PDCD2: variants seen among roughly 807,000 people sequenced by gnomAD.
The protein encoded by PDCD2 is programmed cell death 2, also known as uS5 assembly chaperone PDCD2.
Under a neutral mutation model 38.1 loss-of-function variants are expected in PDCD2, and 38 were observed. That is an observed-to-expected ratio of 1.00 (90% CI 0.77 to 1.31). The LOEUF (loss-of-function observed/expected upper bound fraction) is 1.31, where lower values mean the gene tolerates loss of function less well. Among genes scored for constraint, PDCD2 ranks in the 50% most tolerant of loss-of-function variants. PDCD2 has a pLI of 0.00. For synonymous variants in PDCD2, 205 were observed against 168.9 expected (o/e 1.21, Z -1.66); for missense variants, 473 against 435.7 (o/e 1.09, Z -0.76).
chr6:170,582,887 G>A (rs1009087645), intron 3 of PDCD2, 170 bp downstream of exon 3: 2 of 1,429,734 alleles, frequency 1.4e-6, no homozygotes, highest in South Asian at 3.1e-5. Context: ...TTATGTGTCA[G>A]AAAACAAAGT....
In PDCD2 at chr6:170,583,503, AC is replaced by A. The variant is rs1282528176; in HGVS notation, c.526+1del. On this transcript the variant is annotated splice_donor_variant, in intron 2 of 5. Transcript: ENST00000541970. LOFTEE classifies it high-confidence loss of function. ...CTGAGACTTAAAAAAAAGATTACCC[AC>A]CTGGTTGTGCACAAGCCTGCTTATG... 2 of 1,600,692 alleles carry A rather than the reference AC, an allele frequency of 1.2e-6. No homozygotes were observed. The highest frequency in any genetic ancestry group is 1.7e-6 in the Non-Finnish European group (2 of 1,170,146).
chr6:170,578,235 TA>T (rs1186272864), intron 5 of PDCD2, among the ~76,000 whole-genome samples: 1 of 152,162 alleles, frequency 6.6e-6, no homozygotes, highest in African/African-American at 2.4e-5. Context: ...GCTTTGGCAC[TA>T]AGAACCAAGC....
At chr6:170,582,323 A>G (rs551509286) in intron 3 of PDCD2, 2 of 1,534,204 alleles carry the variant, frequency 1.3e-6, no homozygotes, top group South Asian at 1.2e-5. Flanking sequence ...TTTGGAATGT[A>G]TGACTGGTAT....
rs768947596 is a variant in PDCD2, at chr6:170,577,310, G to T, written c.*249C>A. Reference sequence around the variant, plus strand: ...CATACCATGAATACCACCTATAATGGTATGTCTGTTGTCAATATAGGTGTT... The same window carrying T: ...CATACCATGAATACCACCTATAATGTTATGTCTGTTGTCAATATAGGTGTT... On this transcript the variant is annotated 3_prime_UTR_variant, in exon 6 of 6. Transcript: ENST00000541970. 2 of 391,918 alleles carry T rather than the reference G, an allele frequency of 5.1e-6. No homozygotes were observed. The highest frequency in any genetic ancestry group is 4.0e-5 in the African/African-American group (2 of 49,896). 24.3% of individuals were successfully genotyped at this position (391,918 alleles called of 1,614,324 possible).
intron 4 of PDCD2, 55 bp downstream of exon 4, chr6:170,579,947 C>T: frequency 2.2e-6 from 2 of 896,162 alleles, no homozygotes; most frequent in East Asian, 2.4e-5. Context: ...ACAGATTATA[C>T]TCATAAAACA....
In PDCD2 at chr6:170,577,655, G is replaced by A; in HGVS notation, c.939C>T (p.Gly313=). The A allele has an allele frequency of 2.5e-6, 4 of 1,613,760 alleles. No individual in the cohort carries two copies. The highest frequency in any genetic ancestry group is 3.4e-6 in the Non-Finnish European group (4 of 1,179,938). Reference sequence around the variant, plus strand: ...CAGCACAGGTGAAGACAGCCAGGATGCCCCAGTCAATGCTCTTGCCCAGTC... The same window carrying A: ...CAGCACAGGTGAAGACAGCCAGGATACCCCAGTCAATGCTCTTGCCCAGTC... The part of the protein sequence containing the change: ...ADRLGKSIDW[G]ILAVFTCAES... The change falls in exon 6 of 6, where the codon GGC becomes GGT. Residue 313 remains glycine (G), a synonymous_variant. Transcript: ENST00000541970.
In PDCD2 at chr6:170,577,635, C is replaced by A. The variant is rs377003096; in HGVS notation, c.959G>T (p.Cys320Phe). 3.1e-6 allele frequency: 5 copies of A among 1,614,026 alleles called. No individual in the cohort carries two copies. Among genetic ancestry groups the A allele is most frequent in the Non-Finnish European group, 3.4e-6 (4 of 1,179,990 alleles). ...IDWGILAVFT[C>F]AESCSLGTGY... Reference sequence around the variant, plus strand: ...AGTACCCAAGCTGCAGCTCTCAGCACAGGTGAAGACAGCCAGGATGCCCCA... The same window carrying A: ...AGTACCCAAGCTGCAGCTCTCAGCAAAGGTGAAGACAGCCAGGATGCCCCA... The change falls in exon 6 of 6, where the codon TGT becomes TTT. Residue 320 changes from cysteine (C) to phenylalanine (F), a missense_variant. Transcript: ENST00000541970.
At chr6:170,580,683 C>G (rs1271737063) in intron 3 of PDCD2, among the ~76,000 whole-genome samples, 1 of 152,106 alleles carries the variant, frequency 6.6e-6, no homozygotes, top group Non-Finnish European at 1.5e-5. Context: ...ACATTGCACT[C>G]CAGCCTGGGC....
intron 3 of PDCD2, among the ~76,000 whole-genome samples, chr6:170,580,319 G>A (rs935524923): frequency 3.3e-5 from 5 of 152,126 alleles, no homozygotes; most frequent in Non-Finnish European, 7.3e-5. Flanking sequence ...TAACAGAATG[G>A]TCAAGGGCTT....
rs1439503411 is a variant in PDCD2 at position 170,583,707 on chromosome 6, T to C, written c.324A>G (p.Ser108=). ...GAGGATTCTCAGAAGGTGGCTCATA[T>C]GAGTAAAAATCGTTTTTCCTGGGTA... ...NQLPRKNDFY[S]YEPPSENPPP... is the part of the protein sequence containing the mutation. The change falls in exon 2 of 6, where the codon TCA becomes TCG. Residue 108 remains serine, a synonymous_variant. Transcript: ENST00000541970. The C allele has an allele frequency of 1.2e-6, 2 of 1,613,498 alleles. No individual in the cohort carries two copies. Among genetic ancestry groups the C allele is most frequent in the Admixed American group, 1.7e-5 (1 of 59,988 alleles).
intron 3 of PDCD2, 46 bp downstream of exon 3, chr6:170,583,011 G>A (rs778241526): frequency 6.3e-7 from 1 of 1,586,770 alleles, no homozygotes; most frequent in Non-Finnish European, 8.5e-7. Flanking sequence ...TTTCTTCCAA[G>A]TATTATGTTT....
chr6:170,583,007 C>T (rs772585675), intron 3 of PDCD2, 50 bp downstream of exon 3: 1 of 1,580,794 alleles, frequency 6.3e-7, no homozygotes, highest in South Asian at 1.2e-5. Flanking sequence ...GCCCTTTCTT[C>T]CAAGTATTAT....
chr6:170,580,017 G>A lies in PDCD2; in HGVS notation c.747C>T (p.Ala249=). 6.3e-7 allele frequency: 1 copy of A among 1,580,432 alleles called. No individual in the cohort carries two copies. Among genetic ancestry groups the A allele is most frequent in the Non-Finnish European group, 8.7e-7 (1 of 1,149,424 alleles). Residue 249 remains alanine, a synonymous_variant, in exon 4 of 6, where the codon GCC becomes GCT. Transcript: ENST00000541970. ...TCCACTTTACCTGTTCTGGTTCAAG[G>A]GCTATCTGAGTTTTAAACTTCTGAA... ...KIFQKFKTQI[A]LEPEQILRYG...
At chr6:170,583,294 AT>A in intron 2 of PDCD2, 106 bp from the exon 3 acceptor site, 4 of 923,204 alleles carry the variant, frequency 4.3e-6, no homozygotes, top group Non-Finnish European at 6.5e-6. Context: ...GGCATTTTAG[AT>A]AAAGGGTCAT....
At chr6:170,579,450 T>C (rs1779533556) in intron 4 of PDCD2, 1 of 156,716 alleles carries the variant, frequency 6.4e-6, no homozygotes, top group African/African-American at 2.4e-5. Context: ...CTGTATTTTG[T>C]CTAAAAGCAT....
Position 170,583,533 on chromosome 6 carries a change from C to A in PDCD2, c.498G>T (p.Leu166Phe). The A allele has an allele frequency of 6.2e-7, 1 of 1,613,086 alleles. No homozygotes were observed. The highest frequency in any genetic ancestry group is 1.3e-5 in the African/African-American group (1 of 75,010). ...GTTGTGCACAAGCCTGCTTATGTCC[C>A]AATCTCCAGTCTAGGGTCTGATGCT... The part of the protein sequence containing the change: ...SKEHQTLDWR[L>F]GHKQACAQPD... The change falls in exon 2 of 6, where the codon TTG (leucine) becomes TTT (phenylalanine). Residue 166 changes from leucine (L) to phenylalanine (F), a missense_variant. Coordinates refer to ENST00000541970, the MANE Select transcript of PDCD2 (RefSeq NM_002598.4).
chr6:170,581,498 G>T (rs2115014412), intron 3 of PDCD2: 1 of 152,338 alleles, frequency 6.6e-6, no homozygotes, highest in Non-Finnish European at 1.5e-5. Context: ...CATGGCCCTA[G>T]TAATCCTTAT....
chr6:170,582,507 T>C (rs1390029247), intron 3 of PDCD2: 13 of 1,363,602 alleles, frequency 9.5e-6, no homozygotes, highest in East Asian at 2.7e-5. Context: ...TTCTCACTCA[T>C]TGGTCTGCTG....
chr6:170,582,174 T>A, intron 3 of PDCD2: 1 of 1,509,406 alleles, frequency 6.6e-7, no homozygotes, highest in Non-Finnish European at 8.9e-7. Context: ...TTATCAGTCA[T>A]TATATGGACT....
Sources: gnomAD v4.1 joint callset for allele counts (sites outside exome capture counted in the v4.1 genomes callset) on GRCh38, gnomAD v4.1.1 for gene constraint, MANE v1.5 for transcripts, NCBI Gene and HGNC (gene_info 2026-07-23, HGNC 2026-07-21) for gene names.